PID1: variants seen among roughly 807,000 people sequenced by gnomAD.
The protein encoded by PID1 is phosphotyrosine interaction domain containing 1.
A neutral mutation model predicts 19.1 loss-of-function variants in PID1; 10 were observed. The observed-to-expected ratio is 0.52, with a 90% CI of 0.32 to 0.89. The LOEUF (loss-of-function observed/expected upper bound fraction) is 0.89. Among genes scored for constraint, PID1 ranks in the 40% least tolerant of loss-of-function variants. The probability of loss-of-function intolerance (pLI) is 0.03; values close to 1 mark genes in which losing one functional copy is unlikely to be tolerated. For missense variants in PID1, 248 were observed against 285.3 expected, an observed-to-expected ratio of 0.87 and a Z score of 0.94; for synonymous variants, 130 against 116.0, an observed-to-expected ratio of 1.12 and a Z score of -0.78.
chr2:229,080,634 C>G (rs1694651324), intron 2 of PID1, among the ~76,000 whole-genome samples: 1 of 152,216 alleles, frequency 6.6e-6, no homozygotes, highest in African/African-American at 2.4e-5. Context: ...CTAGGATGTT[C>G]TCAAGGGCAG....
At chr2:229,172,837 T>C (rs1003964468) in intron 1 of PID1, among the ~76,000 whole-genome samples, 2 of 152,158 alleles carry the variant, frequency 1.3e-5, no homozygotes, top group African/African-American at 2.4e-5. Flanking sequence ...GTTCGAGCAA[T>C]TCTCCTGCCT....
chr2:229,184,476 CCCGTATATATATATA>C (rs1255974426), intron 1 of PID1, among the ~76,000 whole-genome samples: 3 of 16,124 alleles, frequency 1.9e-4, no homozygotes, highest in African/African-American at 6.4e-4. Flanking sequence ...ATATATATAT[CCCGTATATATATATA>C]CCGTATATAT....
At chr2:229,229,890 G>A (rs895387152) in intron 1 of PID1, among the ~76,000 whole-genome samples, 1 of 152,108 alleles carries the variant, frequency 6.6e-6, no homozygotes, top group Non-Finnish European at 1.5e-5. Context: ...CTACAAAGAG[G>A]ACATTTGAAC....
At chr2:229,154,255 C>T (rs1690319221) in intron 2 of PID1, among the ~76,000 whole-genome samples, 1 of 152,068 alleles carries the variant, frequency 6.6e-6, no homozygotes, top group Non-Finnish European at 1.5e-5. Flanking sequence ...GACCACAAGA[C>T]TCTTTTCCCC....
At chr2:229,124,380 C>T (rs1244557221) in intron 2 of PID1, among the ~76,000 whole-genome samples, 1 of 151,902 alleles carries the variant, frequency 6.6e-6, no homozygotes, top group Non-Finnish European at 1.5e-5. Context: ...GGCATTTTCC[C>T]TATTTTGGGT....
At chr2:229,168,903 T>A (rs1690656242) in intron 1 of PID1, among the ~76,000 whole-genome samples, 2 of 152,204 alleles carry the variant, frequency 1.3e-5, no homozygotes, top group South Asian at 4.1e-4. Context: ...TACCACAGGC[T>A]TCCATTTCTC....
At chr2:229,157,520 G>A (rs1050127490) in intron 1 of PID1, among the ~76,000 whole-genome samples, 24 of 152,090 alleles carry the variant, frequency 1.6e-4, no homozygotes, top group African/African-American at 5.8e-4. Flanking sequence ...GATGTGAGTG[G>A]ATAAGAAACA....
At chr2:229,222,592 T>C (rs1691994627) in intron 1 of PID1, among the ~76,000 whole-genome samples, 2 of 152,136 alleles carry the variant, frequency 1.3e-5, no homozygotes. Context: ...GAGACTAATA[T>C]TAGAGTCAGT....
chr2:229,258,933 G>A (rs1409523634), intron 1 of PID1, among the ~76,000 whole-genome samples: 1 of 150,938 alleles, frequency 6.6e-6, no homozygotes, highest in East Asian at 1.9e-4. Flanking sequence ...TCCCCTTTCA[G>A]GCCCCTCCCT....
At chr2:229,118,363 C>T (rs1695450644) in intron 2 of PID1, among the ~76,000 whole-genome samples, 1 of 152,114 alleles carries the variant, frequency 6.6e-6, no homozygotes, top group Non-Finnish European at 1.5e-5. Flanking sequence ...CTAGGGTTGG[C>T]AAAGGATTCT....
At chr2:229,201,086 T>C (rs1384218577) in intron 1 of PID1, among the ~76,000 whole-genome samples, 1 of 152,052 alleles carries the variant, frequency 6.6e-6, no homozygotes, top group East Asian at 1.9e-4. Flanking sequence ...CTCTAAATCA[T>C]CTTCCCTTTT....
At chr2:229,195,693 G>C (rs1422133660) in intron 1 of PID1, among the ~76,000 whole-genome samples, 1 of 151,856 alleles carries the variant, frequency 6.6e-6, no homozygotes, top group Non-Finnish European at 1.5e-5. Context: ...TATATACATG[G>C]ACAAGCATAC....
intron 1 of PID1, among the ~76,000 whole-genome samples, chr2:229,185,015 A>C (rs62190433): frequency 1 from 139,785 of 140,154 alleles, 69,712 homozygotes; most frequent in Middle Eastern, 1. Context: ...CACTATATAT[A>C]CTATATGTAT....
chr2:229,227,996 G>T (rs1335872559), intron 1 of PID1: 1 of 455,926 alleles, frequency 2.2e-6, no homozygotes, highest in East Asian at 6.9e-5. Context: ...ATTCACAAGA[G>T]GTCCTGAATC....
At chr2:229,204,016 T>C (rs561618177) in intron 1 of PID1, among the ~76,000 whole-genome samples, 2 of 152,218 alleles carry the variant, frequency 1.3e-5, no homozygotes, top group South Asian at 4.1e-4. Context: ...TACTGAGGTT[T>C]ATTACAGTAT....
intron 2 of PID1, among the ~76,000 whole-genome samples, chr2:229,032,687 GCAGAAA>G (rs1374410508): frequency 6.6e-6 from 1 of 152,194 alleles, no homozygotes; most frequent in Admixed American, 6.5e-5. Flanking sequence ...TTCTATGGTT[GCAGAAA>G]CAGGCATTGG....
intron 2 of PID1, among the ~76,000 whole-genome samples, chr2:229,026,750 T>G (rs979909878): frequency 6.6e-6 from 1 of 152,254 alleles, no homozygotes; most frequent in African/African-American, 2.4e-5. Context: ...GATGAGCATC[T>G]GTTGATCTGA....
Position 229,248,172 on chromosome 2 carries a change from A to C in PID1, c.30+22842T>G, listed in dbSNP as rs185529343. Among the ~76,000 whole-genome samples, 7 of 152,310 alleles carry C rather than the reference A, an allele frequency of 4.6e-5. No homozygotes were observed. In the East Asian group the frequency reaches 1.4e-3, roughly 29 times the overall value. ...CTAACTCAGTGAAGTCATTTATACT[A>C]ATGTTTTTCCTGGTCCAGGATCAAA... is the stretch of plus-strand genomic sequence containing the variant. On this transcript the variant is annotated intron_variant, in intron 1 of 2. Transcript: ENST00000392055.
chr2:229,086,101 C>A (rs1694759085), intron 2 of PID1, among the ~76,000 whole-genome samples: 1 of 151,970 alleles, frequency 6.6e-6, no homozygotes, highest in African/African-American at 2.4e-5. Context: ...AGCAATATAT[C>A]TTTATTTTTA....
Sources: allele counts gnomAD v4.1 joint callset (sites outside exome capture counted in the v4.1 genomes callset), GRCh38; gene constraint gnomAD v4.1.1; transcripts MANE v1.5; gene names NCBI Gene and HGNC (gene_info 2026-07-23, HGNC 2026-07-21).